EHMT1: variants seen among roughly 807,000 people sequenced by gnomAD.
EHMT1 encodes the protein euchromatic histone lysine methyltransferase 1, also known as histone-lysine N-methyltransferase EHMT1.
A neutral mutation model predicts 147.2 loss-of-function variants in EHMT1; 15 were observed. That is an observed-to-expected ratio of 0.10 (90% confidence interval 0.07 to 0.16). EHMT1 has a LOEUF of 0.16. Ranked by LOEUF, EHMT1 falls within the 10% of genes least tolerant of loss-of-function variation. EHMT1 has a pLI of 1.00. For missense variants in EHMT1, 1,587 were observed against 1,772.4 expected, an observed-to-expected ratio of 0.90 and a Z score of 1.88; for synonymous variants, 795 against 709.6, an observed-to-expected ratio of 1.12 and a Z score of -1.91.
At chr9:137,633,320 T>A (rs1843747005) in intron 1 of EHMT1, among the ~76,000 whole-genome samples, 1 of 147,008 alleles carries the variant, frequency 6.8e-6, no homozygotes, top group Non-Finnish European at 1.5e-5. Flanking sequence ...ATTGACTACT[T>A]TTTTTTTTTT....
At chr9:137,790,576 A>G (rs1952449486) in intron 15 of EHMT1, among the ~76,000 whole-genome samples, 2 of 152,154 alleles carry the variant, frequency 1.3e-5, no homozygotes, top group African/African-American at 4.8e-5. Context: ...CTCATTTCTA[A>G]AGGTGTTGTC....
At chr9:137,689,559 C>G (rs750681234) in intron 1 of EHMT1, among the ~76,000 whole-genome samples, 3 of 151,978 alleles carry the variant, frequency 2.0e-5, no homozygotes, top group Admixed American at 6.6e-5. Context: ...AAAAATTAGC[C>G]GGGTGCAGTG....
At chr9:137,822,764 AT>A (rs1955518050) in intron 25 of EHMT1, among the ~76,000 whole-genome samples, 1 of 151,918 alleles carries the variant, frequency 6.6e-6, no homozygotes. Flanking sequence ...GTGGTGGCGC[AT>A]GCCTGTAATC....
chr9:137,620,820 G>C (rs1842908156), intron 1 of EHMT1, among the ~76,000 whole-genome samples: 1 of 152,212 alleles, frequency 6.6e-6, no homozygotes, highest in Non-Finnish European at 1.5e-5. Flanking sequence ...AATGGCTCCA[G>C]ATGTCTCTGG....
At chr9:137,740,203 T>G (rs1473595104) in intron 4 of EHMT1, among the ~76,000 whole-genome samples, 3 of 148,532 alleles carry the variant, frequency 2.0e-5, no homozygotes, top group Non-Finnish European at 3.0e-5. Context: ...TTTCCACTCC[T>G]GGCACTATTT....
intron 1 of EHMT1, among the ~76,000 whole-genome samples, 152 bp downstream of exon 1, chr9:137,619,201 C>G (rs1842791575): frequency 7.1e-6 from 1 of 141,760 alleles, no homozygotes; most frequent in Non-Finnish European, 1.6e-5. Flanking sequence ...GCTGCCGCCG[C>G]CTCAGGCCGA....
chr9:137,821,236 G>A (rs918035901), intron 25 of EHMT1, among the ~76,000 whole-genome samples: 14 of 151,140 alleles, frequency 9.3e-5, no homozygotes, highest in Admixed American at 2.0e-4. Flanking sequence ...GGCCAGGATG[G>A]TCTCGATCTC....
chr9:137,750,546 G>A (rs1009709496), intron 6 of EHMT1, among the ~76,000 whole-genome samples: 1 of 152,222 alleles, frequency 6.6e-6, no homozygotes, highest in African/African-American at 2.4e-5. Flanking sequence ...TAAAAATTAA[G>A]TTCCTAGAGA....
chr9:137,677,698 C>A (rs1589225615), intron 1 of EHMT1, among the ~76,000 whole-genome samples: 1 of 152,020 alleles, frequency 6.6e-6, no homozygotes, highest in East Asian at 1.9e-4. Context: ...TTATAATTGA[C>A]AAAAAGAGTT....
intron 1 of EHMT1, among the ~76,000 whole-genome samples, chr9:137,622,122 C>T (rs1842975695): frequency 7.3e-6 from 1 of 137,848 alleles, no homozygotes. Flanking sequence ...CCCCTCCCCC[C>T]TTTTTTTTCT....
In EHMT1 at chr9:137,831,868, C is replaced by T. The variant is rs114753971; in HGVS notation, c.3541-2481C>T. ...ATTGGCTGGGCCCCTTCTGCAGGCC[C>T]GGCCTCTCTAGTGGTCCCTGTGCTT... On this transcript the variant is annotated intron_variant, in intron 25 of 26. Transcript: ENST00000460843. Among the ~76,000 whole-genome samples the T allele has an allele frequency of 8.1e-3, 1,223 of 151,610 alleles. 12 individuals are homozygous for T. Among genetic ancestry groups the T allele is most frequent in the African/African-American group, 0.028 (1,144 of 40,854 alleles).
intron 15 of EHMT1, chr9:137,784,459 G>A (rs1037728466): frequency 1.8e-6 from 2 of 1,119,808 alleles, no homozygotes; most frequent in African/African-American, 1.6e-5. Context: ...GTTTTATTTC[G>A]ATTTTGCCGT....
chr9:137,643,550 G>A (rs559274418), intron 1 of EHMT1, among the ~76,000 whole-genome samples: 8 of 151,878 alleles, frequency 5.3e-5, no homozygotes, highest in South Asian at 2.1e-4. Flanking sequence ...GGGTTTCACC[G>A]TGTTAGCCAA....
Position 137,623,345 on chromosome 9 carries a change from C to T in EHMT1, c.21+4296C>T, listed in dbSNP as rs912757420. ...TATTCCCTCCTGGTGATGGAACACA[C>T]TCTCCGTTAGCTAGCCAGGAAGGTG... is the stretch of plus-strand genomic sequence containing the variant. On this transcript the variant is annotated intron_variant, in intron 1 of 26. Transcript: ENST00000460843. Among the ~76,000 whole-genome samples the T allele has an allele frequency of 3.9e-5, 6 of 152,172 alleles. No homozygotes were observed. In the East Asian group the frequency reaches 7.7e-4, roughly 20 times the overall value.
intron 1 of EHMT1, among the ~76,000 whole-genome samples, chr9:137,653,243 T>G (rs1483093345): frequency 6.6e-6 from 1 of 152,196 alleles, no homozygotes; most frequent in Non-Finnish European, 1.5e-5. Flanking sequence ...TAGATATATT[T>G]ATATATGCAA....
intron 6 of EHMT1, chr9:137,746,841 G>T (rs1484756851): frequency 6.6e-6 from 1 of 152,114 alleles, no homozygotes; most frequent in Non-Finnish European, 1.5e-5. Flanking sequence ...TCTCTCTTTC[G>T]ATTGAGGTTC....
At chr9:137,634,093 A>G (rs1344816000) in intron 1 of EHMT1, among the ~76,000 whole-genome samples, 1 of 152,120 alleles carries the variant, frequency 6.6e-6, no homozygotes, top group African/African-American at 2.4e-5. Flanking sequence ...GATTATAGGC[A>G]TGAGCCACTG....
Position 137,834,427 on chromosome 9 carries a change from C to G in EHMT1, c.3619C>G (p.Leu1207Val), listed in dbSNP as rs764877266. The change falls in exon 26 of 27, where the codon CTG (leucine) becomes GTG (valine). Residue 1207 changes from leucine (L) to valine (V), a missense_variant. Transcript: ENST00000460843. The stretch of plus-strand genomic sequence containing the variant: ...CATCAACCACCACTGCGAGCCCAAC[C>G]TGGTGCCCGTGCGCGTGTTCATGGC... ...RFINHHCEPN[L>V]VPVRVFMAHQ... 6.2e-7 allele frequency: 1 copy of G among 1,613,352 alleles called. No individual in the cohort carries two copies. Among genetic ancestry groups the G allele is most frequent in the Non-Finnish European group, 8.5e-7 (1 of 1,179,822 alleles).
At chr9:137,699,722 A>G (rs1332509041) in intron 1 of EHMT1, among the ~76,000 whole-genome samples, 1 of 150,690 alleles carries the variant, frequency 6.6e-6, no homozygotes, top group Non-Finnish European at 1.5e-5. Flanking sequence ...ACAGTGGTAC[A>G]TGCCTGTAGT....
Sources: allele counts gnomAD v4.1 joint callset (sites outside exome capture counted in the v4.1 genomes callset), GRCh38; gene constraint gnomAD v4.1.1; transcripts MANE v1.5; gene names NCBI Gene and HGNC (gene_info 2026-07-23, HGNC 2026-07-21).